The following DRICH1 variants were observed in gnomAD, a reference collection of about 807,000 sequenced individuals.
DRICH1 encodes the protein aspartate rich 1.
DRICH1 carries 38 observed loss-of-function variants against 39.5 expected under a neutral mutation model. That is an observed-to-expected ratio of 0.96 (90% confidence interval 0.74 to 1.26). The LOEUF (loss-of-function observed/expected upper bound fraction) is 1.26, where lower values mean the gene tolerates loss of function less well. DRICH1 is among the 50% of genes most tolerant of loss of function. DRICH1 has a pLI of 0.00. For missense variants in DRICH1, 279 were observed against 270.4 expected, an observed-to-expected ratio of 1.03 and a Z score of -0.22; for synonymous variants, 84 against 99.5, an observed-to-expected ratio of 0.84 and a Z score of 0.93.
chr22:23,624,747 C>T, intron 3 of DRICH1, 136 bp downstream of exon 3: 1 of 1,117,248 alleles, frequency 9.0e-7, no homozygotes, highest in Non-Finnish European at 1.3e-6. Context: ...CCTCTCTGCT[C>T]ATAATTATAC....
chr22:23,604,566 T>C (rs533526174), downstream of DRICH1, among the ~76,000 whole-genome samples: 42 of 152,308 alleles, frequency 2.8e-4, 1 homozygote, highest in South Asian at 8.5e-3. Context: ...GACCCTGGTC[T>C]CAGCCTGGCA....
At chr22:23,611,811 G>T (rs1927051959) in intron 11 of DRICH1, among the ~76,000 whole-genome samples, 2 of 152,164 alleles carry the variant, frequency 1.3e-5, no homozygotes. Context: ...TTACGTGTCT[G>T]TGGTGAGGCG....
chr22:23,625,367 T>C (rs1178404892), intron 2 of DRICH1, among the ~76,000 whole-genome samples: 2 of 151,960 alleles, frequency 1.3e-5, no homozygotes, highest in East Asian at 3.8e-4. Flanking sequence ...TATACAGTGG[T>C]CCATTTTTAA....
At chr22:23,631,440 AAAT>A (rs1402772529) in intron 1 of DRICH1, among the ~76,000 whole-genome samples, 6 of 150,980 alleles carry the variant, frequency 4.0e-5, no homozygotes, top group East Asian at 1.9e-4. Flanking sequence ...ATAAATAAAT[AAAT>A]AATAAATAAA....
At chr22:23,613,507 G>T in intron 10 of DRICH1, 132 bp downstream of exon 10, 1 of 900,332 alleles carries the variant, frequency 1.1e-6, no homozygotes, top group Non-Finnish European at 1.8e-6. Flanking sequence ...TCAGGCCAGA[G>T]TTCTATACTG....
intron 1 of DRICH1, among the ~76,000 whole-genome samples, chr22:23,626,467 A>G (rs183475805): frequency 1.1e-4 from 16 of 152,320 alleles, no homozygotes; most frequent in Admixed American, 3.9e-4. Context: ...AGACTTCTAC[A>G]CATATTTCCT....
intron 3 of DRICH1, among the ~76,000 whole-genome samples, chr22:23,623,435 A>ATG: frequency 6.6e-6 from 1 of 152,134 alleles, no homozygotes; most frequent in Non-Finnish European, 1.5e-5. Context: ...AAAAATAGAA[A>ATG]TCACAAATTT....
chr22:23,592,833 A>AGTACACACAC, the DRICH1 span, among the ~76,000 whole-genome samples: 1 of 107,720 alleles, frequency 9.3e-6, no homozygotes, highest in African/African-American at 3.4e-5. Flanking sequence ...CTCTATTAAA[A>AGTACACACAC]ATACACACAC....
At chr22:23,595,989 C>T in the DRICH1 span, among the ~76,000 whole-genome samples, 20 of 152,294 alleles carry the variant, frequency 1.3e-4, no homozygotes, top group Admixed American at 3.3e-4. Flanking sequence ...CTCCAAATGT[C>T]TGAAATCCCA....
the DRICH1 span, among the ~76,000 whole-genome samples, chr22:23,589,436 G>C: frequency 6.6e-6 from 1 of 151,690 alleles, no homozygotes; most frequent in Admixed American, 6.6e-5. Flanking sequence ...GGGCGACAGA[G>C]CAACACTGTC....
chr22:23,615,376 C>A (rs1161929315), intron 8 of DRICH1, among the ~76,000 whole-genome samples: 1 of 152,100 alleles, frequency 6.6e-6, no homozygotes, highest in Non-Finnish European at 1.5e-5. Flanking sequence ...AACTCCATCT[C>A]AAAATATACA....
chr22:23,581,647 C>A, the DRICH1 span: 1 of 150,086 alleles, frequency 6.7e-6, no homozygotes, highest in Non-Finnish European at 1.5e-5. Flanking sequence ...GCTGTGTCGC[C>A]AGGCTGGAGT....
At chr22:23,591,488 G>A in the DRICH1 span, among the ~76,000 whole-genome samples, 29 of 152,236 alleles carry the variant, frequency 1.9e-4, no homozygotes, top group Middle Eastern at 3.4e-3. Context: ...GTCTGAGAAC[G>A]TGAAATGGCA....
chr22:23,625,919 G>T, intron 2 of DRICH1, 62 bp downstream of exon 2: 1 of 1,360,830 alleles, frequency 7.3e-7, no homozygotes, highest in Non-Finnish European at 1.1e-6. Flanking sequence ...TTAGATGGGT[G>T]AATTTGTTTC....
chr22:23,627,852 A>C (rs142955129), intron 1 of DRICH1, among the ~76,000 whole-genome samples: 1,705 of 152,244 alleles, frequency 0.011, 28 homozygotes, highest in African/African-American at 0.038. Context: ...CATTTCCACA[A>C]CTAAGCTAGA....
chr22:23,632,659 G>A (rs1234853016), upstream of DRICH1: 1 of 146,568 alleles, frequency 6.8e-6, no homozygotes, highest in East Asian at 2.1e-4. Flanking sequence ...TGTAATCCTA[G>A]CACTTTGGGA....
rs1927441768 is a variant in DRICH1, at chr22:23,617,632, T to C, written c.462A>G (p.Leu154=). The change falls in exon 7 of 12, where the codon TTA becomes TTG. Residue 154 remains leucine, a synonymous_variant. Coordinates refer to ENST00000317749, the MANE Select transcript of DRICH1 (RefSeq NM_016449.4). The stretch of plus-strand genomic sequence containing the variant: ...CATCTTCACTTCGTGGTAGGCATAC[T>C]AAACTCAGGTTGTCCTCAGAAGAAC... ...SSCSSEDNLS[L]VCLPRSEDDD... 6.2e-7 allele frequency: 1 copy of C among 1,614,074 alleles called. No individual in the cohort carries two copies. The highest frequency in any genetic ancestry group is 1.7e-5 in the Admixed American group (1 of 60,006).
At chr22:23,582,123 G>A in the DRICH1 span, among the ~76,000 whole-genome samples, 7 of 150,402 alleles carry the variant, frequency 4.7e-5, no homozygotes, top group African/African-American at 1.7e-4. Context: ...GGGATTACAG[G>A]CGCCCACCAC....
At chr22:23,617,124 G>A (rs1927402563) in intron 7 of DRICH1, among the ~76,000 whole-genome samples, 1 of 152,212 alleles carries the variant, frequency 6.6e-6, no homozygotes, top group Admixed American at 6.5e-5. Flanking sequence ...AAAAACTGGT[G>A]TGGAGGAAAT....
Sources: allele counts gnomAD v4.1 joint callset (sites outside exome capture counted in the v4.1 genomes callset), GRCh38; gene constraint gnomAD v4.1.1; transcripts MANE v1.5; gene names NCBI Gene and HGNC (gene_info 2026-07-23, HGNC 2026-07-21).